DOCK1: variants seen among roughly 807,000 people sequenced by gnomAD.
DOCK1 encodes the protein dedicator of cytokinesis 1.
DOCK1 carries 138 observed loss-of-function variants against 262.7 expected under a neutral mutation model. That is an observed-to-expected ratio of 0.53 (90% CI 0.46 to 0.61). DOCK1 has a LOEUF of 0.61. Ranked by LOEUF, DOCK1 falls within the 20% of genes least tolerant of loss-of-function variation. The pLI is 0.00. For synonymous variants in DOCK1, 866 were observed against 867.4 expected (o/e 1.00, Z 0.03); for missense variants, 1,908 against 2,370.7 (o/e 0.80, Z 4.05).
intron 27 of DOCK1, among the ~76,000 whole-genome samples, chr10:127,202,012 C>T (rs1487203786): frequency 1.3e-5 from 2 of 152,104 alleles, no homozygotes; most frequent in African/African-American, 2.4e-5. Context: ...CAGAGAGTGA[C>T]ACTTCTGATC....
At chr10:127,444,564 A>G (rs1219482623) in intron 50 of DOCK1, among the ~76,000 whole-genome samples, 1 of 152,074 alleles carries the variant, frequency 6.6e-6, no homozygotes, top group Non-Finnish European at 1.5e-5. Flanking sequence ...ACGTGGAACC[A>G]CCACACTTTC....
intron 35 of DOCK1, among the ~76,000 whole-genome samples, chr10:127,376,143 A>G (rs1712073353): frequency 2.0e-5 from 3 of 152,376 alleles, no homozygotes; most frequent in South Asian, 4.1e-4. Context: ...CCTGCAATTT[A>G]AAACAGCTGT....
chr10:126,950,625 G>T (rs1006375200), intron 1 of DOCK1, among the ~76,000 whole-genome samples: 2 of 152,070 alleles, frequency 1.3e-5, no homozygotes, highest in African/African-American at 4.8e-5. Context: ...CTCTTTGTTT[G>T]GGATGTGCTG....
At chr10:127,151,569 C>A (rs1180232266) in intron 27 of DOCK1, among the ~76,000 whole-genome samples, 2 of 152,126 alleles carry the variant, frequency 1.3e-5, no homozygotes, top group Admixed American at 6.5e-5. Flanking sequence ...GGGTGACAGT[C>A]GGGTCTGCAG....
intron 40 of DOCK1, among the ~76,000 whole-genome samples, chr10:127,407,268 C>T (rs2067569643): frequency 6.6e-6 from 1 of 152,026 alleles, no homozygotes; most frequent in South Asian, 2.1e-4. Context: ...GTTCACAGTT[C>T]CGGAGGCTGG....
intron 29 of DOCK1, among the ~76,000 whole-genome samples, chr10:127,298,374 T>C (rs1465354244): frequency 6.6e-6 from 1 of 152,228 alleles, no homozygotes; most frequent in Non-Finnish European, 1.5e-5. Context: ...GCTGAATTTA[T>C]TTGCATTTTC....
Position 127,208,815 on chromosome 10 carries a change from C to T in DOCK1, c.2848-39193C>T, listed in dbSNP as rs74936827. On this transcript the variant is annotated intron_variant, in intron 27 of 51. Coordinates refer to ENST00000623213, the MANE Select transcript of DOCK1 (RefSeq NM_001290223.2). ...GTTGAGATGTTCTCTAAGATAATAA[C>T]GTTGAGATATTCTCTAAAGACCTAG... is the stretch of plus-strand genomic sequence containing the variant. Among the ~76,000 whole-genome samples, 1,127 of 152,220 alleles carry T rather than the reference C, an allele frequency of 7.4e-3. 13 individuals are homozygous for T. The highest frequency in any genetic ancestry group is 0.011 in the Non-Finnish European group (772 of 68,018).
chr10:127,162,448 T>C (rs1179018634), intron 27 of DOCK1, among the ~76,000 whole-genome samples: 1 of 152,202 alleles, frequency 6.6e-6, no homozygotes, highest in East Asian at 1.9e-4. Flanking sequence ...CCTGGCAACC[T>C]CAACACAAAT....
rs2061448273 is a variant in DOCK1, at chr10:127,294,672, G to A, written c.3044+37243G>A. On this transcript the variant is annotated intron_variant, in intron 29 of 51. Transcript: ENST00000623213. ...CCTATTTTTTTTTTTTTTTTAAGAT[G>A]GAGTCTGGCTCTATCACCCAGGCTG... 2.8e-5 allele frequency among the ~76,000 whole-genome samples: 4 copies of A among 142,614 alleles called. No individual in the cohort carries two copies. In the South Asian group the frequency reaches 8.9e-4, roughly 32 times the overall value. 93.6% of individuals were successfully genotyped at this position (142,614 alleles called of 152,430 possible). A position where few individuals can be genotyped will look rare whatever the true frequency, so the allele number is the denominator to read the frequency against.
intron 6 of DOCK1, among the ~76,000 whole-genome samples, chr10:126,993,268 G>A (rs1204388244): frequency 1.3e-5 from 2 of 152,188 alleles, no homozygotes; most frequent in African/African-American, 4.8e-5. Flanking sequence ...CTACTGGCTG[G>A]GCCTCCTAAG....
chr10:127,363,004 C>CACACACACACAT (rs1177212036), intron 33 of DOCK1, among the ~76,000 whole-genome samples: 1 of 52,624 alleles, frequency 1.9e-5, no homozygotes. Flanking sequence ...CACACACACA[C>CACACACACACAT]GCACATCCCC....
intron 27 of DOCK1, among the ~76,000 whole-genome samples, chr10:127,205,258 T>C (rs574597798): frequency 1.3e-5 from 2 of 152,236 alleles, no homozygotes; most frequent in East Asian, 3.9e-4. Flanking sequence ...TATTGGCTCT[T>C]TCCTTTTTGG....
At chr10:127,161,682 T>C (rs1004997817) in intron 27 of DOCK1, among the ~76,000 whole-genome samples, 6 of 152,268 alleles carry the variant, frequency 3.9e-5, no homozygotes, top group African/African-American at 1.4e-4. Context: ...GCAGCTGTTC[T>C]TTACGGATCC....
chr10:127,094,465 C>T (rs1400943419), intron 23 of DOCK1, among the ~76,000 whole-genome samples: 2 of 152,136 alleles, frequency 1.3e-5, no homozygotes, highest in Non-Finnish European at 2.9e-5. Context: ...TGTCCTGCTC[C>T]CTCTACCTGT....
chr10:126,949,936 C>T (rs1022733709), intron 1 of DOCK1, among the ~76,000 whole-genome samples: 10 of 152,002 alleles, frequency 6.6e-5, no homozygotes, highest in African/African-American at 1.2e-4. Flanking sequence ...TGTTATGCAG[C>T]ATGCAGTGTT....
chr10:126,993,992 CT>C (rs1182768003), intron 6 of DOCK1, among the ~76,000 whole-genome samples: 5 of 152,190 alleles, frequency 3.3e-5, no homozygotes, highest in Admixed American at 6.5e-5. Context: ...AAGATGTTCT[CT>C]AATTGAAATT....
intron 27 of DOCK1, among the ~76,000 whole-genome samples, chr10:127,212,596 C>T (rs1479148912): frequency 6.6e-6 from 1 of 151,978 alleles, no homozygotes; most frequent in Non-Finnish European, 1.5e-5. Context: ...TGAGTTAAGC[C>T]TCTCCTTGTA....
chr10:127,272,533 C>G (rs1158166057), intron 29 of DOCK1, among the ~76,000 whole-genome samples: 1 of 152,218 alleles, frequency 6.6e-6, no homozygotes, highest in Non-Finnish European at 1.5e-5. Flanking sequence ...CTTTTAGCAC[C>G]TGCCACTTTT....
At chr10:127,074,762 C>T (rs180713368) in intron 23 of DOCK1, among the ~76,000 whole-genome samples, 10 of 152,156 alleles carry the variant, frequency 6.6e-5, no homozygotes, top group South Asian at 6.2e-4. Flanking sequence ...TTAGGTGAAA[C>T]GTGACACAAG....
Sources: allele counts gnomAD v4.1 joint callset (sites outside exome capture counted in the v4.1 genomes callset), GRCh38; gene constraint gnomAD v4.1.1; transcripts MANE v1.5; gene names NCBI Gene and HGNC (gene_info 2026-07-23, HGNC 2026-07-21).